Variants in IRAG2 observed in about 807,000 individuals in gnomAD.
IRAG2 encodes lymphoid restricted membrane protein.
In IRAG2, 45 loss-of-function variants were observed where a neutral mutation model predicts 69.9. The ratio of observed to expected loss-of-function variants is 0.64; its 90% confidence interval spans 0.51 to 0.83. IRAG2 has a LOEUF of 0.83. Ranked by LOEUF, IRAG2 falls within the 40% of genes least tolerant of loss-of-function variation. The probability of loss-of-function intolerance (pLI) is 0.00; values close to 1 mark genes in which losing one functional copy is unlikely to be tolerated. For synonymous variants in IRAG2, 193 were observed against 202.4 expected, an observed-to-expected ratio of 0.95 and a Z score of 0.40; for missense variants, 520 against 587.0, an observed-to-expected ratio of 0.89 and a Z score of 1.18.
chr12:25,086,747 T>C (rs1040108593), intron 10 of IRAG2, among the ~76,000 whole-genome samples: 1 of 152,146 alleles, frequency 6.6e-6, no homozygotes, highest in African/African-American at 2.4e-5. Context: ...GATGCTATAG[T>C]AAGGTCAAGT....
At position 25,101,207 on chromosome 12, in the gene IRAG2, G is replaced by A. The variant is rs745788497; in HGVS notation, c.771G>A (p.Val257=). 6.2e-7 allele frequency: 1 copy of A among 1,610,968 alleles called. No homozygotes were observed. Among genetic ancestry groups the A allele is most frequent in the South Asian group, 1.1e-5 (1 of 90,536 alleles). Residue 257 remains valine, a synonymous_variant, in exon 16 of 22, where the codon GTG becomes GTA. Coordinates refer to ENST00000556887, the MANE Select transcript of IRAG2 (RefSeq NM_001366544.2). The part of the protein sequence containing the change: ...QESRVSKAVE[V]MIQHVENLKR... ...GCCGGGTTAGTAAAGCAGTTGAAGT[G>A]ATGATTCAGCACGTAGAAAACTTGA...
chr12:25,096,473 T>C (rs1420694789), intron 14 of IRAG2, among the ~76,000 whole-genome samples: 2 of 152,198 alleles, frequency 1.3e-5, no homozygotes, highest in African/African-American at 4.8e-5. Context: ...GAATGTATAT[T>C]CACCTAGCCA....
At chr12:25,092,564 C>CA (rs55719913) in intron 14 of IRAG2, among the ~76,000 whole-genome samples, 63 of 101,718 alleles carry the variant, frequency 6.2e-4, no homozygotes, top group African/African-American at 2.4e-3. Flanking sequence ...GACTCTATCT[C>CA]AAAAAAAAAA....
At chr12:25,106,559 CAT>C (rs1486204673) in intron 20 of IRAG2, among the ~76,000 whole-genome samples, 1 of 21,528 alleles carries the variant, frequency 4.6e-5, no homozygotes, top group Admixed American at 5.7e-4. Flanking sequence ...AGTTTCTCTG[CAT>C]ATATATATGC....
intron 6 of IRAG2, among the ~76,000 whole-genome samples, chr12:25,073,096 G>A (rs1219614518): frequency 2.0e-5 from 3 of 152,146 alleles, no homozygotes; most frequent in Admixed American, 6.5e-5. Flanking sequence ...TGGGAAAGTC[G>A]TGTTTTCAGG....
chr12:25,028,249 G>A (rs11047771), intron 9 of IRAG2, among the ~76,000 whole-genome samples: 49,339 of 152,026 alleles, frequency 0.32, 8,690 homozygotes, highest in Admixed American at 0.48. Context: ...AACCTTTTAA[G>A]GAACTGCCAG....
At chr12:25,059,908 T>G (rs1392699438) in intron 1 of IRAG2, among the ~76,000 whole-genome samples, 1 of 152,256 alleles carries the variant, frequency 6.6e-6, no homozygotes, top group Non-Finnish European at 1.5e-5. Flanking sequence ...ATTAGCATTA[T>G]GCTCATGACT....
intron 15 of IRAG2, 123 bp from the exon 16 acceptor site, chr12:25,101,055 A>G: frequency 1.3e-6 from 1 of 770,450 alleles, no homozygotes; most frequent in East Asian, 3.0e-5. Flanking sequence ...TTTTTAAAAA[A>G]AAAACATTTA....
In IRAG2 at chr12:25,104,438, C is replaced by T. The variant is rs755046437; in HGVS notation, c.1124C>T (p.Ala375Val). 6.2e-7 allele frequency: 1 copy of T among 1,611,628 alleles called. No homozygotes were observed. The highest frequency in any genetic ancestry group is 8.5e-7 in the Non-Finnish European group (1 of 1,177,862). ...RFISTYSWAD[A>V]EEEKCELKTK... is the part of the protein sequence containing the mutation. ...ATTAGCACCTATTCCTGGGCAGATG[C>T]TGAAGAAGAAAAATGTGAACTAAAG... The change falls in exon 20 of 22, where the codon GCT (alanine) becomes GTT (valine). Residue 375 changes from alanine (A) to valine (V), a missense_variant. Physicochemically the swap from Ala to Val is moderately conservative, Grantham distance 64 (BLOSUM62 0). Transcript: ENST00000556887.
intron 9 of IRAG2, among the ~76,000 whole-genome samples, chr12:25,027,291 A>C (rs1270873903): frequency 6.6e-6 from 1 of 152,132 alleles, no homozygotes; most frequent in African/African-American, 2.4e-5. Context: ...ATTTCATATA[A>C]ATTAAATCAT....
At chr12:25,091,223 A>G (rs2140174755) in intron 14 of IRAG2, 1 of 157,626 alleles carries the variant, frequency 6.3e-6, no homozygotes, top group Admixed American at 6.4e-5. Flanking sequence ...TTGTTGCAAA[A>G]CAGATCTTGA....
At chr12:25,035,913 C>T (rs1397390951) in intron 14 of IRAG2, 2 of 396,688 alleles carry the variant, frequency 5.0e-6, no homozygotes, top group African/African-American at 2.1e-5. Flanking sequence ...AATTAATACA[C>T]TCTGAAAAGC....
At chr12:25,057,715 C>T (rs1218371376) in intron 1 of IRAG2, among the ~76,000 whole-genome samples, 1 of 152,074 alleles carries the variant, frequency 6.6e-6, no homozygotes, top group Non-Finnish European at 1.5e-5. Flanking sequence ...TAGATAAATA[C>T]ACATCAAAAC....
intron 9 of IRAG2, among the ~76,000 whole-genome samples, chr12:25,027,399 T>TC (rs762228554): frequency 0.21 from 28,681 of 136,142 alleles, 2,946 homozygotes; most frequent in Admixed American, 0.38. Flanking sequence ...TTTTTTTTTC[T>TC]TTTTTTTTTT....
At chr12:25,088,193 T>C (rs754377003) in intron 11 of IRAG2, 36 bp downstream of exon 11, 2 of 1,534,518 alleles carry the variant, frequency 1.3e-6, no homozygotes, top group Middle Eastern at 1.7e-4. Context: ...ATGTGAACTT[T>C]TGTTCTCTGC....
chr12:25,072,579 G>A (rs1330277069), intron 6 of IRAG2, among the ~76,000 whole-genome samples: 2 of 152,030 alleles, frequency 1.3e-5, no homozygotes, highest in Non-Finnish European at 2.9e-5. Flanking sequence ...TAATTACAGG[G>A]AATTAGAGTA....
At chr12:25,074,836 AG>A (rs1946574352) in intron 6 of IRAG2, among the ~76,000 whole-genome samples, 2 of 152,182 alleles carry the variant, frequency 1.3e-5, no homozygotes, top group Admixed American at 1.3e-4. Flanking sequence ...CTTTTGTCTA[AG>A]ATGTACTATC....
chr12:25,037,514 A>ATCTCAAAC (rs1944711022), intron 15 of IRAG2, among the ~76,000 whole-genome samples: 2 of 151,986 alleles, frequency 1.3e-5, no homozygotes, highest in African/African-American at 4.8e-5. Flanking sequence ...GGCCAGGCTG[A>ATCTCAAAC]TCTCAAACTC....
chr12:25,104,144 T>C (rs185704962), intron 19 of IRAG2, 86 bp downstream of exon 19: 34 of 1,117,148 alleles, frequency 3.0e-5, no homozygotes, highest in Admixed American at 1.5e-4. Flanking sequence ...TTAAGTGATA[T>C]AGTAATGTTT....
Sources: gnomAD v4.1 joint callset for allele counts (sites outside exome capture counted in the v4.1 genomes callset) on GRCh38, gnomAD v4.1.1 for gene constraint, MANE v1.5 for transcripts, NCBI Gene and HGNC (gene_info 2026-07-23, HGNC 2026-07-21) for gene names.